ATXN7L1: variants seen among roughly 807,000 people sequenced by gnomAD.
ATXN7L1 encodes ataxin-7-like protein 1.
In ATXN7L1, 15 loss-of-function variants were observed where a neutral mutation model predicts 70.8. The ratio of observed to expected loss-of-function variants is 0.21; its 90% CI spans 0.14 to 0.33. The LOEUF is 0.33. Among genes scored for constraint, ATXN7L1 ranks in the 10% least tolerant of loss-of-function variants. ATXN7L1 has a pLI of 1.00. For synonymous variants in ATXN7L1, 440 were observed against 445.1 expected (o/e 0.99, Z 0.14); for missense variants, 975 against 1,097.1 (o/e 0.89, Z 1.57).
At chr7:105,748,428 T>C (rs554602187) in intron 3 of ATXN7L1, among the ~76,000 whole-genome samples, 26 of 152,266 alleles carry the variant, frequency 1.7e-4, no homozygotes, top group African/African-American at 6.3e-4. Context: ...GGAGGTTAGA[T>C]CCGACCATCT....
chr7:105,876,248 G>T, intron 1 of ATXN7L1, 130 bp downstream of exon 1: 2 of 1,198,828 alleles, frequency 1.7e-6, no homozygotes, highest in African/African-American at 1.5e-5. Context: ...TTTATTTAGA[G>T]AGAGAGGGAG....
chr7:105,840,465 G>A (rs1813041584), intron 2 of ATXN7L1, among the ~76,000 whole-genome samples: 1 of 152,164 alleles, frequency 6.6e-6, no homozygotes, highest in African/African-American at 2.4e-5. Context: ...CTGGCGCCTT[G>A]AATGTGTCTG....
At chr7:105,827,149 C>A (rs1293435637) in intron 2 of ATXN7L1, among the ~76,000 whole-genome samples, 1 of 152,080 alleles carries the variant, frequency 6.6e-6, no homozygotes, top group African/African-American at 2.4e-5. Flanking sequence ...AGCTCTGGGT[C>A]AAGAATACAG....
At chr7:105,843,263 T>C (rs933601487) in intron 2 of ATXN7L1, among the ~76,000 whole-genome samples, 4 of 152,224 alleles carry the variant, frequency 2.6e-5, no homozygotes, top group African/African-American at 9.6e-5. Flanking sequence ...CCTGGTTCTG[T>C]TTCTCTGGTT....
chr7:105,809,015 T>C (rs1808030927), intron 2 of ATXN7L1, among the ~76,000 whole-genome samples: 1 of 152,222 alleles, frequency 6.6e-6, no homozygotes, highest in Non-Finnish European at 1.5e-5. Context: ...GAAGCGTGGA[T>C]GCACCTCCCC....
intron 2 of ATXN7L1, among the ~76,000 whole-genome samples, chr7:105,853,765 AAAAAC>A (rs547510998): frequency 7.9e-5 from 12 of 152,154 alleles, no homozygotes; most frequent in Non-Finnish European, 1.0e-4. Context: ...CTCTGTCTCA[AAAAAC>A]AAAACAAAAC....
At chr7:105,781,251 CA>C (rs398111681) in intron 3 of ATXN7L1, among the ~76,000 whole-genome samples, 2 of 151,990 alleles carry the variant, frequency 1.3e-5, no homozygotes, top group African/African-American at 4.8e-5. Flanking sequence ...AAGGACCCCC[CA>C]AAAAATCCTA....
At chr7:105,843,204 G>C (rs1813485564) in intron 2 of ATXN7L1, among the ~76,000 whole-genome samples, 1 of 152,088 alleles carries the variant, frequency 6.6e-6, no homozygotes, top group African/African-American at 2.4e-5. Flanking sequence ...GTGGGATTTG[G>C]GAAGGCTGCA....
intron 2 of ATXN7L1, among the ~76,000 whole-genome samples, chr7:105,852,652 C>A (rs1200635622): frequency 6.6e-6 from 1 of 151,832 alleles, no homozygotes; most frequent in African/African-American, 2.4e-5. Flanking sequence ...AGGTGCACCT[C>A]GGCTGGCTTA....
chr7:105,720,432 A>G (rs541868929), intron 3 of ATXN7L1, among the ~76,000 whole-genome samples: 1 of 152,208 alleles, frequency 6.6e-6, no homozygotes, highest in East Asian at 1.9e-4. Context: ...TCATTCATTC[A>G]TTCAGAGACA....
intron 2 of ATXN7L1, among the ~76,000 whole-genome samples, chr7:105,849,289 C>G (rs1464757873): frequency 6.6e-6 from 1 of 152,190 alleles, no homozygotes; most frequent in Non-Finnish European, 1.5e-5. Flanking sequence ...CACAACTGCC[C>G]AGAGTCCGTC....
chr7:105,801,804 T>C (rs1183779132), intron 2 of ATXN7L1, among the ~76,000 whole-genome samples: 1 of 152,180 alleles, frequency 6.6e-6, no homozygotes, highest in Non-Finnish European at 1.5e-5. Flanking sequence ...CATTGGTAGT[T>C]TGAAATTGGC....
intron 2 of ATXN7L1, among the ~76,000 whole-genome samples, chr7:105,792,439 T>G (rs183028497): frequency 4.6e-5 from 7 of 152,228 alleles, no homozygotes; most frequent in Non-Finnish European, 1.0e-4. Flanking sequence ...GGCTGGGTGT[T>G]CACAGGCACT....
At chr7:105,849,638 G>C (rs1814588153) in intron 2 of ATXN7L1, among the ~76,000 whole-genome samples, 1 of 152,248 alleles carries the variant, frequency 6.6e-6, no homozygotes, top group Non-Finnish European at 1.5e-5. Flanking sequence ...AGTGCTGTAT[G>C]TTGATTTTCC....
chr7:105,614,027 G>T lies in ATXN7L1; in HGVS notation c.2307C>A (p.Pro769=). 1 of 1,551,966 alleles carries T rather than the reference G, an allele frequency of 6.4e-7. No homozygotes were observed. ...TTCCTTCTGATTTGTCAAAAGAGAG[G>T]GGCAGAGAAGACACAGCATTGTGTG... is the stretch of plus-strand genomic sequence containing the variant. ...LASHNAVSSL[P]LSFDKSEGKK... Residue 769 remains proline (P), a synonymous_variant, in exon 10 of 12, where the codon CCC becomes CCA. Transcript: ENST00000419735. This position sits in a 1 kb window ranked among gnomAD's most constrained non-coding sequence, Gnocchi z 4.3.
chr7:105,848,328 T>G (rs565879020), intron 2 of ATXN7L1, among the ~76,000 whole-genome samples: 31 of 152,286 alleles, frequency 2.0e-4, no homozygotes, highest in Admixed American at 1.2e-3. Context: ...AATTTAGCAA[T>G]GAGTATCAAA....
At chr7:105,631,188 T>A (rs1796546773) in intron 7 of ATXN7L1, among the ~76,000 whole-genome samples, 1 of 152,148 alleles carries the variant, frequency 6.6e-6, no homozygotes, top group East Asian at 1.9e-4. Flanking sequence ...TCCTGAAGCA[T>A]CCTAACTGAT....
intron 3 of ATXN7L1, among the ~76,000 whole-genome samples, chr7:105,709,058 G>A (rs765434373): frequency 4.0e-5 from 6 of 149,636 alleles, no homozygotes; most frequent in Non-Finnish European, 8.8e-5. Flanking sequence ...TTCTGGCCGG[G>A]CGTATTGGCT....
At chr7:105,690,038 C>G (rs1252321213) in intron 3 of ATXN7L1, among the ~76,000 whole-genome samples, 1 of 152,194 alleles carries the variant, frequency 6.6e-6, no homozygotes, top group African/African-American at 2.4e-5. Flanking sequence ...GAGTTTCGCT[C>G]TTGTTGCCCA....
Sources: gnomAD v4.1 joint callset for allele counts (sites outside exome capture counted in the v4.1 genomes callset) on GRCh38, gnomAD v4.1.1 for gene constraint, Gnocchi (gnomAD v3.1) non-coding constraint, MANE v1.5 for transcripts, NCBI Gene and HGNC (gene_info 2026-07-23, HGNC 2026-07-21) for gene names.